The following PDE4B variants were observed in gnomAD, a reference collection of about 807,000 sequenced individuals.
The protein encoded by PDE4B is phosphodiesterase 4B.
A neutral mutation model predicts 82.2 loss-of-function variants in PDE4B; 20 were observed. The observed-to-expected ratio is 0.24, with a 90% CI of 0.17 to 0.35. The LOEUF (loss-of-function observed/expected upper bound fraction) is 0.35, where lower values mean the gene tolerates loss of function less well. Ranked by LOEUF, PDE4B falls within the 10% of genes least tolerant of loss-of-function variation. The pLI is 1.00. For synonymous variants in PDE4B, 320 were observed against 318.9 expected (o/e 1.00, Z -0.04); for missense variants, 655 against 907.2 (o/e 0.72, Z 3.57).
intron 3 of PDE4B, among the ~76,000 whole-genome samples, chr1:65,945,862 T>C (rs984675244): frequency 6.6e-6 from 1 of 152,012 alleles, no homozygotes; most frequent in African/African-American, 2.4e-5. Flanking sequence ...TCTCATAGGT[T>C]CATCCATATG....
At chr1:66,370,645 C>T (rs1237166604) in intron 16 of PDE4B, among the ~76,000 whole-genome samples, 1 of 152,224 alleles carries the variant, frequency 6.6e-6, no homozygotes, top group East Asian at 1.9e-4. Flanking sequence ...AGGATTCATA[C>T]AGCTCTCTCG....
At chr1:66,300,284 G>A (rs1331857179) in intron 7 of PDE4B, among the ~76,000 whole-genome samples, 1 of 152,078 alleles carries the variant, frequency 6.6e-6, no homozygotes, top group Non-Finnish European at 1.5e-5. Flanking sequence ...TTTAATTCTG[G>A]CACCTCGTCA....
chr1:65,908,530 T>G (rs377109114), intron 1 of PDE4B, among the ~76,000 whole-genome samples: 3 of 152,084 alleles, frequency 2.0e-5, no homozygotes, highest in Non-Finnish European at 4.4e-5. Context: ...GCCTATACAT[T>G]TAGGTGTATC....
At chr1:66,220,742 G>T (rs1029811149) in intron 3 of PDE4B, among the ~76,000 whole-genome samples, 3 of 152,110 alleles carry the variant, frequency 2.0e-5, no homozygotes, top group Admixed American at 2.0e-4. Context: ...TTAGAAAGGT[G>T]CCTTAAAACT....
chr1:66,298,766 G>A (rs1657687127), intron 7 of PDE4B, among the ~76,000 whole-genome samples: 1 of 152,056 alleles, frequency 6.6e-6, no homozygotes, highest in African/African-American at 2.4e-5. Flanking sequence ...TCCATACAGT[G>A]GAACTTGAGA....
chr1:66,269,618 C>T (rs1655316062), intron 7 of PDE4B, among the ~76,000 whole-genome samples: 2 of 152,148 alleles, frequency 1.3e-5, no homozygotes, highest in Admixed American at 6.5e-5. Flanking sequence ...GATTTCAGGT[C>T]CCAAAACTAT....
intron 7 of PDE4B, among the ~76,000 whole-genome samples, chr1:66,275,231 A>G (rs1655793702): frequency 6.6e-6 from 1 of 152,220 alleles, no homozygotes. Context: ...ATATGATAGC[A>G]TCATTACAGC....
At chr1:65,927,616 A>T (rs1023895459) in intron 3 of PDE4B, among the ~76,000 whole-genome samples, 1 of 151,728 alleles carries the variant, frequency 6.6e-6, no homozygotes, top group Admixed American at 6.6e-5. Flanking sequence ...ATTCTCCAAG[A>T]TCCATCTGTC....
chr1:66,079,039 C>T (rs1385364014), intron 3 of PDE4B, among the ~76,000 whole-genome samples: 1 of 152,004 alleles, frequency 6.6e-6, no homozygotes, highest in Non-Finnish European at 1.5e-5. Flanking sequence ...TGGATTTTGC[C>T]ACCAGAGAGC....
chr1:65,957,422 T>TATTCTG (rs11282629), intron 3 of PDE4B, among the ~76,000 whole-genome samples: 150,827 of 152,032 alleles, frequency 0.99, 74,829 homozygotes, highest in Middle Eastern at 1. Context: ...CTGGGCTCTC[T>TATTCTG]ATTTGTTTGG....
chr1:66,111,661 A>G (rs1335192332), intron 3 of PDE4B, among the ~76,000 whole-genome samples: 2 of 152,090 alleles, frequency 1.3e-5, no homozygotes, highest in Non-Finnish European at 2.9e-5. Flanking sequence ...TGTTTAATCC[A>G]TTCATCCGTT....
chr1:66,282,490 G>A (rs1285235937), intron 7 of PDE4B, among the ~76,000 whole-genome samples: 1 of 152,170 alleles, frequency 6.6e-6, no homozygotes, highest in Non-Finnish European at 1.5e-5. Flanking sequence ...GTGAAACTGA[G>A]GTGTGTCTTG....
At chr1:65,848,877 G>C (rs1007286836) in intron 1 of PDE4B, among the ~76,000 whole-genome samples, 2 of 152,050 alleles carry the variant, frequency 1.3e-5, no homozygotes, top group African/African-American at 4.8e-5. Flanking sequence ...TGGATGGAAG[G>C]AAGTTTCTAT....
intron 12 of PDE4B, among the ~76,000 whole-genome samples, chr1:66,364,520 A>G (rs1051079620): frequency 3.1e-4 from 47 of 152,190 alleles, no homozygotes; most frequent in Admixed American, 1.4e-3. Context: ...CACTGCAGGA[A>G]GAGACTGGCC....
At chr1:65,832,471 A>G (rs768996569) in intron 1 of PDE4B, among the ~76,000 whole-genome samples, 17 of 152,192 alleles carry the variant, frequency 1.1e-4, no homozygotes, top group Non-Finnish European at 2.5e-4. Flanking sequence ...TCTAATTTCT[A>G]TGTGTCGAGC....
At chr1:65,796,765 T>G (rs1377296910) in intron 1 of PDE4B, among the ~76,000 whole-genome samples, 1 of 151,224 alleles carries the variant, frequency 6.6e-6, no homozygotes, top group Non-Finnish European at 1.5e-5. Flanking sequence ...TTCTCCTGCC[T>G]TAGCTTCCTG....
intron 3 of PDE4B, among the ~76,000 whole-genome samples, chr1:65,984,713 C>G (rs566120687): frequency 6.6e-6 from 1 of 152,128 alleles, no homozygotes; most frequent in South Asian, 2.1e-4. Flanking sequence ...CGAGATGGTG[C>G]CACTGCACTT....
At chr1:66,285,501 C>T (rs1021131177) in intron 7 of PDE4B, among the ~76,000 whole-genome samples, 1 of 152,056 alleles carries the variant, frequency 6.6e-6, no homozygotes, top group Non-Finnish European at 1.5e-5. Flanking sequence ...CCCCCTTACC[C>T]TTCCACCTTT....
chr1:65,802,813 A>T (rs538107242), intron 1 of PDE4B, among the ~76,000 whole-genome samples: 1 of 152,282 alleles, frequency 6.6e-6, no homozygotes, highest in South Asian at 2.1e-4. Flanking sequence ...GCTGACTGAT[A>T]TATGAAACTG....
Sources: gnomAD v4.1 joint callset for allele counts (sites outside exome capture counted in the v4.1 genomes callset) on GRCh38, gnomAD v4.1.1 for gene constraint, MANE v1.5 for transcripts, NCBI Gene and HGNC (gene_info 2026-07-23, HGNC 2026-07-21) for gene names.